EPHA4: variants seen among roughly 807,000 people sequenced by gnomAD.
EPHA4 encodes the protein EPH receptor A4, also known as ephrin type-A receptor 4.
In EPHA4, 19 loss-of-function variants were observed where a neutral mutation model predicts 108.3. That is an observed-to-expected ratio of 0.18 (90% confidence interval 0.12 to 0.26). The LOEUF is 0.26. Ranked by LOEUF, EPHA4 falls within the 10% of genes least tolerant of loss-of-function variation. EPHA4 has a pLI of 1.00. For synonymous variants in EPHA4, 449 were observed against 455.5 expected, an observed-to-expected ratio of 0.99 and a Z score of 0.18; for missense variants, 917 against 1,254.0, an observed-to-expected ratio of 0.73 and a Z score of 4.06.
At chr2:221,502,048 T>C (rs986682713) in intron 3 of EPHA4, among the ~76,000 whole-genome samples, 24 of 152,064 alleles carry the variant, frequency 1.6e-4, no homozygotes, top group African/African-American at 5.3e-4. Context: ...TAGTTTTTTA[T>C]ACACCTGACA....
chr2:221,572,273 C>T lies in EPHA4; in HGVS notation c.-25G>A, dbSNP rs774029378. 1.8e-5 allele frequency: 29 copies of T among 1,582,008 alleles called. No individual in the cohort carries two copies. Among genetic ancestry groups the T allele is most frequent in the African/African-American group, 2.7e-5 (2 of 74,270 alleles). On this transcript the variant is annotated 5_prime_UTR_variant, in exon 1 of 18. Coordinates refer to ENST00000281821, the MANE Select transcript of EPHA4 (RefSeq NM_004438.5). Reference sequence around the variant, plus strand: ...TGGTTCGCCGGTGCCAACGCTGCTCCTGCCGCTTCTATCCCAGTGGAATAA... The same window carrying T: ...TGGTTCGCCGGTGCCAACGCTGCTCTTGCCGCTTCTATCCCAGTGGAATAA...
intron 14 of EPHA4, among the ~76,000 whole-genome samples, chr2:221,431,110 A>G (rs1021696386): frequency 6.6e-6 from 1 of 152,210 alleles, no homozygotes; most frequent in Non-Finnish European, 1.5e-5. Context: ...GGACATGCCA[A>G]ATTTATAGAG....
chr2:221,518,867 T>C (rs886671413), intron 3 of EPHA4, among the ~76,000 whole-genome samples: 1 of 152,190 alleles, frequency 6.6e-6, no homozygotes, highest in Non-Finnish European at 1.5e-5. Context: ...AGAATTGTAA[T>C]GCTCTCTTGC....
intron 3 of EPHA4, among the ~76,000 whole-genome samples, chr2:221,509,521 C>G (rs969576458): frequency 1.3e-5 from 2 of 152,174 alleles, no homozygotes; most frequent in Non-Finnish European, 2.9e-5. Context: ...AGTTGCTTGG[C>G]TCTGACCTAA....
At chr2:221,435,939 A>AG (rs1287956378) in intron 13 of EPHA4, among the ~76,000 whole-genome samples, 1 of 147,356 alleles carries the variant, frequency 6.8e-6, no homozygotes, top group African/African-American at 2.5e-5. Flanking sequence ...AACAACAACA[A>AG]AAAAAAAAAA....
Position 221,499,679 on chromosome 2 carries a change from A to G in EPHA4, c.979+1338T>C, listed in dbSNP as rs1173366821. The stretch of plus-strand genomic sequence containing the variant: ...AAAATACCATTTATAGTAGTTAGGA[A>G]ACAAAATAATAATAGTCATAATGAT... On this transcript the variant is annotated intron_variant, in intron 4 of 17. Coordinates refer to ENST00000281821, the MANE Select transcript of EPHA4 (RefSeq NM_004438.5). Among the ~76,000 whole-genome samples, 6 of 142,588 alleles carry G rather than the reference A, an allele frequency of 4.2e-5. No homozygotes were observed. In the East Asian group the frequency reaches 1.3e-3, roughly 30 times the overall value. 93.5% of individuals were successfully genotyped at this position (142,588 alleles called of 152,430 possible).
chr2:221,543,474 C>T (rs1435819951), intron 3 of EPHA4, among the ~76,000 whole-genome samples: 2 of 152,152 alleles, frequency 1.3e-5, no homozygotes, highest in Non-Finnish European at 2.9e-5. Flanking sequence ...TATCTTTATA[C>T]TTGCCTGTAT....
intron 8 of EPHA4, among the ~76,000 whole-genome samples, chr2:221,449,166 T>C (rs1690691914): frequency 6.6e-6 from 1 of 152,168 alleles, no homozygotes; most frequent in Non-Finnish European, 1.5e-5. Flanking sequence ...AGGCTAATAG[T>C]AGTCTGTTTG....
chr2:221,471,833 G>A (rs1400138547), intron 5 of EPHA4, among the ~76,000 whole-genome samples: 9 of 152,098 alleles, frequency 5.9e-5, no homozygotes, highest in Admixed American at 3.9e-4. Flanking sequence ...ACTTTCAGAG[G>A]GGGTAAGGCT....
chr2:221,473,642 T>C (rs1691563990), intron 5 of EPHA4, among the ~76,000 whole-genome samples: 1 of 151,854 alleles, frequency 6.6e-6, no homozygotes. Flanking sequence ...TTTTCATTGA[T>C]GTTCAATTGC....
In EPHA4 at chr2:221,560,185, C is replaced by T. The variant is rs535858522; in HGVS notation, c.823+3546G>A. ...TTAATCAATCTTCCCTCTGACCTCC[C>T]GGACCCCAAGGAAGATGGATGAGGA... On this transcript the variant is annotated intron_variant, in intron 3 of 17. Transcript: ENST00000281821. 2.0e-3 allele frequency among the ~76,000 whole-genome samples: 297 copies of T among 151,900 alleles called. 1 individual carries two copies. Among genetic ancestry groups the T allele is most frequent in the South Asian group, 0.015 (74 of 4,776 alleles).
chr2:221,448,139 G>A (rs1480583833), intron 8 of EPHA4, among the ~76,000 whole-genome samples: 3 of 151,474 alleles, frequency 2.0e-5, no homozygotes, highest in Non-Finnish European at 4.4e-5. Context: ...ACCGCACCCA[G>A]CCAGAATCTA....
intron 3 of EPHA4, among the ~76,000 whole-genome samples, chr2:221,554,457 T>C (rs536399011): frequency 1.3e-5 from 2 of 152,304 alleles, no homozygotes; most frequent in Non-Finnish European, 2.9e-5. Flanking sequence ...TTTCAGAAGA[T>C]AGTGCTGGTT....
intron 17 of EPHA4, among the ~76,000 whole-genome samples, chr2:221,423,487 C>T (rs1390850786): frequency 6.6e-6 from 1 of 152,124 alleles, no homozygotes; most frequent in African/African-American, 2.4e-5. Flanking sequence ...TTGGCCTTTG[C>T]ATCAGCCTTG....
chr2:221,447,290 C>G (rs1690621545), intron 8 of EPHA4, among the ~76,000 whole-genome samples: 1 of 152,140 alleles, frequency 6.6e-6, no homozygotes, highest in South Asian at 2.1e-4. Flanking sequence ...AGGCAAGACT[C>G]TTACAGAAAA....
intron 3 of EPHA4, among the ~76,000 whole-genome samples, chr2:221,556,829 T>A (rs896127283): frequency 6.6e-6 from 1 of 152,070 alleles, no homozygotes; most frequent in East Asian, 1.9e-4. Context: ...TTTATTATTG[T>A]TGTTGGCATT....
chr2:221,481,350 C>T (rs894011611), intron 5 of EPHA4, among the ~76,000 whole-genome samples: 14 of 149,704 alleles, frequency 9.4e-5, no homozygotes, highest in Non-Finnish European at 1.8e-4. Flanking sequence ...CCAGCCCCCA[C>T]GTCAATCAAG....
At chr2:221,524,396 T>C (rs2106177202) in intron 3 of EPHA4, among the ~76,000 whole-genome samples, 1 of 152,340 alleles carries the variant, frequency 6.6e-6, no homozygotes, top group East Asian at 1.9e-4. Context: ...TCCTCCAGTG[T>C]TTGCCTATCT....
chr2:221,464,982 A>C (rs1214714363), intron 5 of EPHA4, among the ~76,000 whole-genome samples: 1 of 152,224 alleles, frequency 6.6e-6, no homozygotes, highest in Non-Finnish European at 1.5e-5. Context: ...AATGAAGTTC[A>C]TTTATATTTA....
Sources: allele counts gnomAD v4.1 joint callset (sites outside exome capture counted in the v4.1 genomes callset), GRCh38; gene constraint gnomAD v4.1.1; transcripts MANE v1.5; gene names NCBI Gene and HGNC (gene_info 2026-07-23, HGNC 2026-07-21).